Variants in UNC13C observed in about 807,000 individuals in gnomAD.
UNC13C encodes the protein protein unc-13 homolog C.
In UNC13C, 174 loss-of-function variants were observed where a neutral mutation model predicts 245.4. That is an observed-to-expected ratio of 0.71 (90% CI 0.63 to 0.80). UNC13C has a LOEUF of 0.80. Ranked by LOEUF, UNC13C falls within the 30% of genes least tolerant of loss-of-function variation. UNC13C has a pLI of 0.00. For synonymous variants in UNC13C, 992 were observed against 895.1 expected, an observed-to-expected ratio of 1.11 and a Z score of -1.93; for missense variants, 2,829 against 2,602.9, an observed-to-expected ratio of 1.09 and a Z score of -1.89.
chr15:53,841,557 T>C, the UNC13C span, among the ~76,000 whole-genome samples: 1 of 152,118 alleles, frequency 6.6e-6, no homozygotes, highest in African/African-American at 2.4e-5. Context: ...TTGTTGAGAA[T>C]AAGTATATGA....
intron 19 of UNC13C, among the ~76,000 whole-genome samples, chr15:54,482,092 G>A (rs1893152786): frequency 6.6e-6 from 1 of 152,098 alleles, no homozygotes; most frequent in Non-Finnish European, 1.5e-5. Context: ...AGCCTCTCTG[G>A]TGTGCTTTAC....
intron 30 of UNC13C, among the ~76,000 whole-genome samples, chr15:54,580,907 G>A (rs1388893081): frequency 6.6e-6 from 1 of 152,046 alleles, no homozygotes; most frequent in Non-Finnish European, 1.5e-5. Flanking sequence ...CAGTTTCTAG[G>A]AACCCCTTCT....
chr15:54,476,861 T>C (rs1892773161), intron 19 of UNC13C, among the ~76,000 whole-genome samples: 1 of 151,342 alleles, frequency 6.6e-6, no homozygotes, highest in African/African-American at 2.4e-5. Flanking sequence ...ATTGGTAGCT[T>C]GATGGGGATG....
At chr15:54,048,570 T>A in intron 2 of UNC13C, 1 of 434,114 alleles carries the variant, frequency 2.3e-6, no homozygotes, top group Non-Finnish European at 4.5e-6. Flanking sequence ...AGAATTGATG[T>A]ACTGAAACTT....
intron 2 of UNC13C, among the ~76,000 whole-genome samples, chr15:54,100,673 C>CGAA (rs1249678367): frequency 4.0e-5 from 6 of 151,730 alleles, no homozygotes; most frequent in African/African-American, 1.5e-4. Context: ...GCATACACTT[C>CGAA]TCCAACTCAG....
the UNC13C span, among the ~76,000 whole-genome samples, chr15:53,901,227 T>A: frequency 6.8e-6 from 1 of 148,034 alleles, no homozygotes; most frequent in Non-Finnish European, 1.5e-5. Flanking sequence ...TCTTTTTTTT[T>A]TTTTTTTTTT....
Position 54,065,611 on chromosome 15 carries a change from C to A in UNC13C, c.2983+49725C>A, listed in dbSNP as rs960361313. 1.3e-5 allele frequency among the ~76,000 whole-genome samples: 2 copies of A among 152,184 alleles called. 1 individual carries two copies. Among genetic ancestry groups the A allele is most frequent in the South Asian group, 4.1e-4 (2 of 4,830 alleles). On this transcript the variant is annotated intron_variant, in intron 2 of 32. Transcript: ENST00000260323. ...GGAAGCTGTCTTCCAAGTAAGAATG[C>A]AAGATGCTGGGCTCTTTCTTTAGGG...
chr15:54,426,326 G>A (rs548991577), intron 19 of UNC13C, among the ~76,000 whole-genome samples: 43 of 147,254 alleles, frequency 2.9e-4, no homozygotes, highest in African/African-American at 8.1e-4. Context: ...ATATTATCTC[G>A]TATGGTTGTT....
chr15:54,249,088 G>A (rs1485573778), intron 7 of UNC13C, among the ~76,000 whole-genome samples: 1 of 152,174 alleles, frequency 6.6e-6, no homozygotes, highest in African/African-American at 2.4e-5. Context: ...AGGCAGTTGT[G>A]TGAAATTATC....
At chr15:54,443,336 A>G (rs1458170176) in intron 19 of UNC13C, among the ~76,000 whole-genome samples, 1 of 151,710 alleles carries the variant, frequency 6.6e-6, no homozygotes, top group African/African-American at 2.4e-5. Context: ...TGGTTTATCA[A>G]TTTTATCTTT....
chr15:54,362,555 A>G (rs186101995), intron 17 of UNC13C, among the ~76,000 whole-genome samples: 15 of 152,288 alleles, frequency 9.8e-5, no homozygotes, highest in African/African-American at 3.4e-4. Flanking sequence ...TCATGCTGAC[A>G]TAACTTTTCT....
At chr15:54,279,136 G>C (rs1028575562) in intron 10 of UNC13C, among the ~76,000 whole-genome samples, 9 of 152,140 alleles carry the variant, frequency 5.9e-5, no homozygotes, top group Non-Finnish European at 1.0e-4. Flanking sequence ...AAATATGACA[G>C]GTGTTGCCAA....
chr15:53,847,357 A>AT, the UNC13C span, among the ~76,000 whole-genome samples: 657 of 139,818 alleles, frequency 4.7e-3, 2 homozygotes, highest in East Asian at 5.8e-3. Context: ...TTCATTAGCT[A>AT]TTTTTTTTTT....
Position 54,207,196 on chromosome 15 carries a change from G to A in UNC13C, c.3072-27834G>A, listed in dbSNP as rs2034743041. Among the ~76,000 whole-genome samples, 4 of 152,006 alleles carry A rather than the reference G, an allele frequency of 2.6e-5. 1 individual carries two copies. In the South Asian group the frequency reaches 8.3e-4, roughly 32 times the overall value. On this transcript the variant is annotated intron_variant, in intron 4 of 32. Coordinates refer to ENST00000260323, the MANE Select transcript of UNC13C (RefSeq NM_001080534.3). ...GTTGGTTGTTCCGAACAAAACTCAT[G>A]TTGAAATTTGATTCCTGATGTGGCA...
chr15:54,293,006 G>A (rs1175259919), intron 10 of UNC13C, among the ~76,000 whole-genome samples: 2 of 150,464 alleles, frequency 1.3e-5, no homozygotes, highest in Non-Finnish European at 3.0e-5. Flanking sequence ...ATGTGTGTGT[G>A]TATATACATA....
intron 4 of UNC13C, among the ~76,000 whole-genome samples, chr15:54,160,393 C>G (rs114112682): frequency 1.2e-3 from 174 of 149,332 alleles, no homozygotes; most frequent in African/African-American, 4.0e-3. Flanking sequence ...ACAATGCATA[C>G]TAGATTCATT....
chr15:54,612,906 A>AT (rs1300697686), intron 30 of UNC13C, among the ~76,000 whole-genome samples: 5 of 151,974 alleles, frequency 3.3e-5, no homozygotes, highest in African/African-American at 1.2e-4. Flanking sequence ...AAAGGCTTGC[A>AT]TTTTGTCAGT....
At chr15:53,864,851 A>T in the UNC13C span, among the ~76,000 whole-genome samples, 5 of 152,210 alleles carry the variant, frequency 3.3e-5, no homozygotes, top group African/African-American at 9.6e-5. Context: ...TTTGACTATC[A>T]TGCAATTCGG....
chr15:54,360,687 T>C (rs2039210402), intron 17 of UNC13C, among the ~76,000 whole-genome samples: 1 of 152,134 alleles, frequency 6.6e-6, no homozygotes, highest in South Asian at 2.1e-4. Flanking sequence ...AGCCTTTATT[T>C]GCCTGGGAAA....
Sources: allele counts gnomAD v4.1 joint callset (sites outside exome capture counted in the v4.1 genomes callset), GRCh38; gene constraint gnomAD v4.1.1; transcripts MANE v1.5; gene names NCBI Gene and HGNC (gene_info 2026-07-23, HGNC 2026-07-21).